RABL6: variants seen among roughly 807,000 people sequenced by gnomAD.
RABL6 encodes RAB, member RAS oncogene family like 6, also known as rab-like protein 6.
In RABL6, 28 loss-of-function variants were observed where a neutral mutation model predicts 72.9. That is an observed-to-expected ratio of 0.38 (90% CI 0.28 to 0.53). RABL6 has a LOEUF of 0.53. Ranked by LOEUF, RABL6 falls within the 20% of genes least tolerant of loss-of-function variation. The probability of loss-of-function intolerance (pLI) is 0.80; values close to 1 mark genes in which losing one functional copy is unlikely to be tolerated. For missense variants in RABL6, 1,029 were observed against 1,008.4 expected (o/e 1.02, Z -0.28); for synonymous variants, 477 against 421.2 (o/e 1.13, Z -1.62).
chr9:136,825,642 C>A, intron 2 of RABL6, 137 bp from the exon 3 acceptor site: 1 of 905,938 alleles, frequency 1.1e-6, no homozygotes, highest in Non-Finnish European at 1.8e-6. Flanking sequence ...GAGGACACAT[C>A]CCCTGCTTCT....
chr9:136,841,081 C>T lies in RABL6; in HGVS notation c.*559C>T. 1 of 1,399,700 alleles carries T rather than the reference C, an allele frequency of 7.1e-7. No individual in the cohort carries two copies. 86.7% of individuals were successfully genotyped at this position (1,399,700 alleles called of 1,614,324 possible). ...CTGGGAGTGGGGGTTGTGTTTCCCA[C>T]AGTGGCCTCAGCTGCGCCCCCGCTC... is the stretch of plus-strand genomic sequence containing the variant. On this transcript the variant is annotated 3_prime_UTR_variant, in exon 15 of 15. Transcript: ENST00000311502.
At chr9:136,830,697 G>A (rs1011708470) in intron 5 of RABL6, among the ~76,000 whole-genome samples, 3 of 152,276 alleles carry the variant, frequency 2.0e-5, no homozygotes, top group Non-Finnish European at 4.4e-5. Context: ...GAACGGCCTG[G>A]AGGGAGCTGC....
intron 1 of RABL6, among the ~76,000 whole-genome samples, chr9:136,817,643 G>C (rs949132520): frequency 6.2e-5 from 9 of 146,148 alleles, no homozygotes; most frequent in Non-Finnish European, 9.0e-5. Flanking sequence ...GCACTTGAGA[G>C]CCGTGTGACT....
chr9:136,821,925 CTG>C, intron 1 of RABL6: 1 of 1,287,802 alleles, frequency 7.8e-7, no homozygotes, highest in Non-Finnish European at 1.0e-6. Flanking sequence ...TGGGTCCCCT[CTG>C]GAGGTTTTGC....
At position 136,839,771 on chromosome 9, in the gene RABL6, C is replaced by A. The variant is rs567709597; in HGVS notation, c.1836C>A (p.Pro612=). Residue 612 remains proline (P), a synonymous_variant, in exon 13 of 15, where the codon CCC becomes CCA. Coordinates refer to ENST00000311502, the MANE Select transcript of RABL6 (RefSeq NM_024718.5). The part of the protein sequence containing the change: ...DEGPAEPPPP[P]KLPLPAFRLK... ...GCCCTGCCGAGCCGCCCCCACCCCCCAAGCTCCCTCTCCCCGCCTTCAGAC... is the reference window on the plus strand; with the variant it reads ...GCCCTGCCGAGCCGCCCCCACCCCCAAAGCTCCCTCTCCCCGCCTTCAGAC... The A allele has an allele frequency of 4.3e-6, 7 of 1,612,758 alleles. No homozygotes were observed. The South Asian group carries it at 5.5e-5, about 13-fold the overall frequency.
intron 1 of RABL6, 200 bp downstream of exon 1, chr9:136,808,526 C>G (rs1847921993): frequency 7.6e-6 from 3 of 397,228 alleles, no homozygotes; most frequent in South Asian, 1.2e-4. Flanking sequence ...CCTCGCGGCC[C>G]CCGAGCCGCG....
rs1259104717 is a variant in RABL6 at position 136,831,880 on chromosome 9, C to T, written c.599+19C>T. On this transcript the variant is annotated intron_variant, in intron 6 of 14. Transcript: ENST00000311502. ...TGGACAGGTGGGTGCGGTGGCCCTGCTCCCGAGGGACCCTGCCCGGTGCTC... is the reference window on the plus strand; with the variant it reads ...TGGACAGGTGGGTGCGGTGGCCCTGTTCCCGAGGGACCCTGCCCGGTGCTC... The T allele has an allele frequency of 5.0e-6, 8 of 1,598,608 alleles. No individual in the cohort carries two copies. Among genetic ancestry groups the T allele is most frequent in the Non-Finnish European group, 4.3e-6 (5 of 1,171,102 alleles).
Position 136,839,359 on chromosome 9 carries a change from C to T in RABL6, c.1631C>T (p.Pro544Leu), listed in dbSNP as rs201607353. The change falls in exon 12 of 15, where the codon CCG (proline) becomes CTG (leucine). Residue 544 changes from proline to leucine, a missense_variant. Transcript: ENST00000311502. ...ACCAGGCCCCCTGCTGAGATGGAGC[C>T]GGGGAAGGGTGAGCAGGCCTCCTCG... ...SSTRPPAEME[P>L]GKGEQASSSE... 2.4e-4 allele frequency: 381 copies of T among 1,612,670 alleles called. 3 individuals carry two copies. The highest frequency in any genetic ancestry group is 8.6e-4 in the South Asian group (78 of 91,040).
chr9:136,831,839 G>A lies in RABL6; in HGVS notation c.577G>A (p.Asp193Asn), dbSNP rs750903596. ...HRVILPDDVR[D>N]FIDNLDRPPG... is the part of the protein sequence containing the mutation. Reference sequence around the variant, plus strand: ...AGTCATCCTGCCGGACGACGTGCGTGACTTCATCGACAACCTGGACAGGTG... The same window carrying A: ...AGTCATCCTGCCGGACGACGTGCGTAACTTCATCGACAACCTGGACAGGTG... Residue 193 changes from aspartate to asparagine, a missense_variant, in exon 6 of 15, where the codon GAC becomes AAC. Physicochemically the swap from Asp to Asn is conservative, Grantham distance 23. This residue lies in a region of RABL6 where 434 missense variants were observed against 536.1 expected (regional missense o/e 0.81). Transcript: ENST00000311502. 25 of 1,612,326 alleles carry A rather than the reference G, an allele frequency of 1.6e-5. No homozygotes were observed. The highest frequency in any genetic ancestry group is 5.5e-5 in the South Asian group (5 of 90,990).
rs200059969 is a variant in RABL6, at chr9:136,839,872, G to A, written c.1930+7G>A. 9 of 1,610,006 alleles carry A rather than the reference G, an allele frequency of 5.6e-6. No individual in the cohort carries two copies. In the Admixed American group the frequency reaches 8.4e-5, roughly 15 times the overall value. On this transcript the variant is annotated splice_region_variant and intron_variant, in intron 13 of 14. Transcript: ENST00000311502. ...AAGGAGAGCAGTGAGGAAGGTGGGT[G>A]GGGGCACCAGAGTGCGGTCAGCCTG...
intron 1 of RABL6, chr9:136,813,344 C>T: frequency 1.2e-6 from 1 of 823,534 alleles, no homozygotes; most frequent in Admixed American, 2.1e-5. Flanking sequence ...GTTGCCTTGT[C>T]TCAGATTCTT....
chr9:136,832,072 T>A, intron 6 of RABL6, 193 bp from the exon 7 acceptor site: 1 of 920,210 alleles, frequency 1.1e-6, no homozygotes, highest in Non-Finnish European at 1.6e-6. Context: ...CAGGGTGAAG[T>A]GCTGGCACTG....
chr9:136,834,667 C>T (rs1007712382), intron 7 of RABL6, among the ~76,000 whole-genome samples: 21 of 152,042 alleles, frequency 1.4e-4, no homozygotes, highest in African/African-American at 4.3e-4. Flanking sequence ...TTAGTAGGGA[C>T]GGGGTTTTGC....
In RABL6 at chr9:136,837,484, A is replaced by G; in HGVS notation, c.948A>G (p.Thr316=). ...CCACGGGGAGCTCCAGCCCCGGCAC[A>G]CCCCAGCCCGCCCCACAGCTGCCCC... ...AVSTGSSSPG[T]PQPAPQLPLN... Residue 316 remains threonine, a synonymous_variant, in exon 9 of 15, where the codon ACA becomes ACG. Transcript: ENST00000311502. 6.5e-7 allele frequency: 1 copy of G among 1,546,926 alleles called. No individual in the cohort carries two copies. The highest frequency in any genetic ancestry group is 8.7e-7 in the Non-Finnish European group (1 of 1,149,986).
At chr9:136,834,929 TA>T (rs71385775) in intron 7 of RABL6, among the ~76,000 whole-genome samples, 2,908 of 74,356 alleles carry the variant, frequency 0.039, 43 homozygotes, top group African/African-American at 0.087. Context: ...GACCCTGTTC[TA>T]AAAAAAAAAA....
chr9:136,813,970 G>T, intron 1 of RABL6: 1 of 386,296 alleles, frequency 2.6e-6, no homozygotes. Flanking sequence ...GAGATTTGTA[G>T]CCAAAAGTAT....
intron 1 of RABL6, 22 bp downstream of exon 1, chr9:136,808,348 G>C (rs781513437): frequency 2.7e-6 from 4 of 1,494,834 alleles, no homozygotes; most frequent in Middle Eastern, 1.9e-4. Flanking sequence ...GGGCCGGGGG[G>C]GCGCGGGAGC....
intron 10 of RABL6, 140 bp from the exon 11 acceptor site, chr9:136,838,769 C>T (rs1848630249): frequency 5.4e-6 from 4 of 741,164 alleles, no homozygotes; most frequent in African/African-American, 1.8e-5. Context: ...GAGGGGGCCT[C>T]TCCACAACAC....
chr9:136,810,430 A>G (rs1411459456), intron 1 of RABL6, among the ~76,000 whole-genome samples: 1 of 152,248 alleles, frequency 6.6e-6, no homozygotes, highest in African/African-American at 2.4e-5. Context: ...TTGAATTTGT[A>G]CCTAAATTAC....
Sources: gnomAD v4.1 joint callset for allele counts (sites outside exome capture counted in the v4.1 genomes callset) on GRCh38, gnomAD v4.1.1 for gene constraint, gnomAD v4.1.1 regional missense constraint, MANE v1.5 for transcripts, NCBI Gene and HGNC (gene_info 2026-07-23, HGNC 2026-07-21) for gene names.